MYO9A: variants seen among roughly 807,000 people sequenced by gnomAD.
The protein encoded by MYO9A is unconventional myosin-IXa.
MYO9A carries 103 observed loss-of-function variants against 293.3 expected under a neutral mutation model. That is an observed-to-expected ratio of 0.35 (90% CI 0.30 to 0.41). MYO9A has a LOEUF of 0.41. Among genes scored for constraint, MYO9A ranks in the 10% least tolerant of loss-of-function variants. MYO9A has a pLI of 1.00. For missense variants in MYO9A, 2,685 were observed against 3,033.0 expected, an observed-to-expected ratio of 0.89 and a Z score of 2.69; for synonymous variants, 1,001 against 1,035.7, an observed-to-expected ratio of 0.97 and a Z score of 0.64.
intron 6 of MYO9A, among the ~76,000 whole-genome samples, chr15:72,011,444 A>C (rs1247302957): frequency 2.0e-5 from 3 of 152,000 alleles, no homozygotes; most frequent in African/African-American, 7.2e-5. Flanking sequence ...AAGTATAAAA[A>C]CCCTCAGAAA....
chr15:71,889,045 C>G (rs1183689966), intron 26 of MYO9A, among the ~76,000 whole-genome samples: 1 of 152,086 alleles, frequency 6.6e-6, no homozygotes, highest in Non-Finnish European at 1.5e-5. Flanking sequence ...AGAGGAGGAA[C>G]CCAGGTGAAA....
At chr15:72,114,614 G>A (rs376935902) in intron 1 of MYO9A, 1 of 152,082 alleles carries the variant, frequency 6.6e-6, no homozygotes, top group African/African-American at 2.4e-5. Flanking sequence ...CTGTTTTTGT[G>A]GGGGGAAAAG....
chr15:72,036,557 T>G (rs1372992471), intron 2 of MYO9A: 6 of 151,778 alleles, frequency 4.0e-5, no homozygotes, highest in African/African-American at 7.3e-5. Flanking sequence ...AATGATGGGG[T>G]TTTTTTTAAA....
chr15:71,846,010 G>C (rs1443016587), intron 39 of MYO9A, among the ~76,000 whole-genome samples: 1 of 152,200 alleles, frequency 6.6e-6, no homozygotes, highest in Non-Finnish European at 1.5e-5. Context: ...TTTGTTGTCA[G>C]TGAGTAAATT....
At chr15:72,021,124 C>A in intron 4 of MYO9A, 107 bp from the exon 5 acceptor site, 1 of 653,406 alleles carries the variant, frequency 1.5e-6, no homozygotes, top group Non-Finnish European at 2.5e-6. Flanking sequence ...ATCAGCTTTG[C>A]TTCATTTTTT....
intron 7 of MYO9A, among the ~76,000 whole-genome samples, chr15:72,009,099 G>A (rs1709643030): frequency 6.6e-6 from 1 of 152,078 alleles, no homozygotes; most frequent in Non-Finnish European, 1.5e-5. Context: ...AATTAATAAT[G>A]TTATTCTGGA....
At position 71,824,109 on chromosome 15, in the gene MYO9A, T is replaced by C. The variant is rs1479885765; in HGVS notation, c.*2471A>G. 6.6e-6 allele frequency: 1 copy of C among 152,212 alleles called. No individual in the cohort carries two copies. Among genetic ancestry groups the C allele is most frequent in the Non-Finnish European group, 1.5e-5 (1 of 68,032 alleles). The allele number at this position is 152,212 out of a possible 1,614,324, so 9.4% of individuals were successfully genotyped here. A position where few individuals can be genotyped will look rare whatever the true frequency, so the allele number is the denominator to read the frequency against. ...GGCCCCACACTGCTCTCCACTCTTA[T>C]CATTTTGTGGCTCTCTCCTCCTCAC... On this transcript the variant is annotated 3_prime_UTR_variant, in exon 42 of 42. Coordinates refer to ENST00000356056, the MANE Select transcript of MYO9A (RefSeq NM_006901.4).
At chr15:72,019,315 T>C (rs867770188) in intron 5 of MYO9A, among the ~76,000 whole-genome samples, 71 of 152,238 alleles carry the variant, frequency 4.7e-4, no homozygotes, top group South Asian at 2.1e-4. Flanking sequence ...GACTGTTATT[T>C]ATATAAACTG....
intron 2 of MYO9A, among the ~76,000 whole-genome samples, chr15:72,039,141 A>T (rs2078151057): frequency 6.6e-6 from 1 of 152,104 alleles, no homozygotes; most frequent in Admixed American, 6.5e-5. Flanking sequence ...CCTTCCTGAG[A>T]ATTAAATTCA....
At chr15:72,010,047 T>C (rs1371778669) in intron 7 of MYO9A, among the ~76,000 whole-genome samples, 5 of 152,124 alleles carry the variant, frequency 3.3e-5, no homozygotes, top group Non-Finnish European at 5.9e-5. Flanking sequence ...GCTATAAAAA[T>C]AGTGTTACAA....
intron 18 of MYO9A, among the ~76,000 whole-genome samples, chr15:71,931,145 T>C (rs974946006): frequency 6.6e-6 from 1 of 152,220 alleles, no homozygotes; most frequent in Non-Finnish European, 1.5e-5. Flanking sequence ...AATTAGACAG[T>C]GTACTTACTT....
intron 1 of MYO9A, among the ~76,000 whole-genome samples, chr15:72,067,510 T>C (rs2150106772): frequency 6.6e-6 from 1 of 152,106 alleles, no homozygotes; most frequent in Admixed American, 6.6e-5. Context: ...CTCAAACTCC[T>C]GACCTCGTGA....
At chr15:72,029,449 T>A (rs911497953) in intron 3 of MYO9A, among the ~76,000 whole-genome samples, 1 of 152,154 alleles carries the variant, frequency 6.6e-6, no homozygotes, top group Non-Finnish European at 1.5e-5. Flanking sequence ...CTGAATACTA[T>A]AGGCAACTGT....
At chr15:72,108,724 T>C (rs1182222477) in intron 1 of MYO9A, among the ~76,000 whole-genome samples, 4 of 151,172 alleles carry the variant, frequency 2.6e-5, no homozygotes, top group Non-Finnish European at 5.9e-5. Context: ...AGAAAATATA[T>C]ACGAAGTATT....
At chr15:71,906,898 G>A (rs2057671770) in intron 19 of MYO9A, among the ~76,000 whole-genome samples, 1 of 148,894 alleles carries the variant, frequency 6.7e-6, no homozygotes, top group African/African-American at 2.5e-5. Context: ...CGATTAGCTG[G>A]GACTACAGGC....
chr15:72,014,770 G>C (rs2077279626), intron 6 of MYO9A, among the ~76,000 whole-genome samples: 6 of 146,742 alleles, frequency 4.1e-5, no homozygotes, highest in Admixed American at 3.6e-4. Flanking sequence ...AAGAAAGAAA[G>C]AGAAAGAAAG....
intron 8 of MYO9A, among the ~76,000 whole-genome samples, chr15:72,006,810 T>G (rs1191573451): frequency 2.6e-5 from 4 of 152,232 alleles, no homozygotes; most frequent in Admixed American, 2.6e-4. Flanking sequence ...CTAAGTAATT[T>G]TGGAAATGAG....
At chr15:71,914,181 C>T (rs1188848342) in intron 19 of MYO9A, among the ~76,000 whole-genome samples, 1 of 152,190 alleles carries the variant, frequency 6.6e-6, no homozygotes, top group African/African-American at 2.4e-5. Flanking sequence ...AGCAAGACCA[C>T]TGGCATTTGT....
At position 71,942,234 on chromosome 15, in the gene MYO9A, T is replaced by C. The variant is rs190884073; in HGVS notation, c.2303-3307A>G. Among the ~76,000 whole-genome samples the C allele has an allele frequency of 2.9e-4, 44 of 152,198 alleles. 1 individual carries two copies. Among genetic ancestry groups the C allele is most frequent in the Non-Finnish European group, 4.4e-4 (30 of 67,908 alleles). On this transcript the variant is annotated intron_variant, in intron 15 of 41. Coordinates refer to ENST00000356056, the MANE Select transcript of MYO9A (RefSeq NM_006901.4). ...TACATACTATGTAATCCCACTTGCG[T>C]AAAATTTTTAGAAAATGTAAAACTG...
Sources: allele counts gnomAD v4.1 joint callset (sites outside exome capture counted in the v4.1 genomes callset), GRCh38; gene constraint gnomAD v4.1.1; transcripts MANE v1.5; gene names NCBI Gene and HGNC (gene_info 2026-07-23, HGNC 2026-07-21).